The following SPAG16 variants were observed in gnomAD, a reference collection of about 807,000 sequenced individuals.
SPAG16 encodes the protein sperm-associated antigen 16 protein.
Under a neutral mutation model 80.4 loss-of-function variants are expected in SPAG16, and 86 were observed. The observed-to-expected ratio is 1.07, with a 90% confidence interval of 0.90 to 1.28. SPAG16 has a LOEUF of 1.28. Among genes scored for constraint, SPAG16 ranks in the 50% most tolerant of loss-of-function variants. The pLI, the probability that SPAG16 is intolerant of heterozygous loss-of-function variation, is 0.00. For synonymous variants in SPAG16, 294 were observed against 265.9 expected (o/e 1.11, Z -1.03); for missense variants, 870 against 765.3 (o/e 1.14, Z -1.61).
chr2:214,352,565 T>TGTGTGTGTGTGTGA (rs375089345), intron 15 of SPAG16, among the ~76,000 whole-genome samples: 1 of 64,732 alleles, frequency 1.5e-5, no homozygotes, highest in African/African-American at 2.8e-5. Context: ...TCTCTGTGTG[T>TGTGTGTGTGTGTGA]GTGTGTGTGT....
At chr2:213,304,840 T>A (rs575758985) in intron 3 of SPAG16, among the ~76,000 whole-genome samples, 7 of 152,264 alleles carry the variant, frequency 4.6e-5, no homozygotes, top group Admixed American at 3.3e-4. Flanking sequence ...TCAGGATAGC[T>A]TTGGCTAATG....
At chr2:213,582,309 G>T (rs2060324129) in intron 10 of SPAG16, among the ~76,000 whole-genome samples, 1 of 151,906 alleles carries the variant, frequency 6.6e-6, no homozygotes, top group Non-Finnish European at 1.5e-5. Flanking sequence ...TTACTTTTAT[G>T]CATAACCTTT....
intron 10 of SPAG16, among the ~76,000 whole-genome samples, chr2:213,825,693 CTTTCTTTCTTTTT>C (rs1331463658): frequency 1.0e-5 from 1 of 98,986 alleles, no homozygotes; most frequent in Non-Finnish European, 2.0e-5. Context: ...TTCTTTCTTT[CTTTCTTTCTTTTT>C]TTTTTTTTTT....
intron 10 of SPAG16, among the ~76,000 whole-genome samples, chr2:213,762,962 A>T (rs1165379182): frequency 6.6e-6 from 1 of 152,214 alleles, no homozygotes; most frequent in Non-Finnish European, 1.5e-5. Context: ...AACCTTATTT[A>T]AAAATGGGCA....
chr2:213,352,098 G>A (rs1342170366), intron 7 of SPAG16, among the ~76,000 whole-genome samples: 1 of 151,094 alleles, frequency 6.6e-6, no homozygotes, highest in African/African-American at 2.4e-5. Context: ...TTCTACCATG[G>A]TTGTAAATTT....
At position 213,699,164 on chromosome 2, in the gene SPAG16, C is replaced by T. The variant is rs115765402; in HGVS notation, c.1071-163321C>T. On this transcript the variant is annotated intron_variant, in intron 10 of 15. Transcript: ENST00000331683. Reference sequence around the variant, plus strand: ...CTTTTTATTTTTCTGCTTCACCTTTCCTATTACTCTTGTATTATTTTTATT... The same window carrying T: ...CTTTTTATTTTTCTGCTTCACCTTTTCTATTACTCTTGTATTATTTTTATT... Among the ~76,000 whole-genome samples the T allele has an allele frequency of 8.9e-3, 1,362 of 152,254 alleles. 10 individuals are homozygous for T. Among genetic ancestry groups the T allele is most frequent in the Non-Finnish European group, 0.015 (1,032 of 67,998 alleles).
At chr2:214,180,823 A>G (rs1293287222) in intron 15 of SPAG16, among the ~76,000 whole-genome samples, 2 of 151,810 alleles carry the variant, frequency 1.3e-5, no homozygotes, top group East Asian at 1.9e-4. Flanking sequence ...AACAACTCAT[A>G]TTGAATCTGA....
chr2:213,838,805 G>T (rs1439034092), intron 10 of SPAG16, among the ~76,000 whole-genome samples: 2 of 152,112 alleles, frequency 1.3e-5, no homozygotes, highest in East Asian at 1.9e-4. Context: ...CTCATTTGGG[G>T]GATTGGCTAT....
At chr2:213,478,722 CTA>C (rs1407495969) in intron 9 of SPAG16, among the ~76,000 whole-genome samples, 2 of 152,084 alleles carry the variant, frequency 1.3e-5, no homozygotes, top group African/African-American at 4.8e-5. Context: ...TTAATAAAAA[CTA>C]TGTGACTGTT....
At chr2:213,323,771 C>T (rs2063731087) in intron 5 of SPAG16, among the ~76,000 whole-genome samples, 1 of 152,130 alleles carries the variant, frequency 6.6e-6, no homozygotes, top group Admixed American at 6.6e-5. Context: ...ATGGTACATT[C>T]ATGCAATGCA....
chr2:213,424,626 T>C (rs1279486954), intron 9 of SPAG16, among the ~76,000 whole-genome samples: 2 of 152,218 alleles, frequency 1.3e-5, no homozygotes, highest in African/African-American at 2.4e-5. Flanking sequence ...TCTGCTACCT[T>C]AATGACTCTA....
intron 13 of SPAG16, among the ~76,000 whole-genome samples, chr2:214,070,171 A>G (rs1415805679): frequency 6.8e-6 from 1 of 146,260 alleles, no homozygotes; most frequent in African/African-American, 2.5e-5. Context: ...CAAGTTTGTT[A>G]TTTGCCTTTT....
chr2:213,621,115 A>C (rs1306841853), intron 10 of SPAG16, among the ~76,000 whole-genome samples: 1 of 152,204 alleles, frequency 6.6e-6, no homozygotes, highest in African/African-American at 2.4e-5. Flanking sequence ...TGCTTTGGCT[A>C]ACTTTATTGA....
chr2:213,871,188 C>T (rs1407547837), intron 11 of SPAG16, among the ~76,000 whole-genome samples: 3 of 152,054 alleles, frequency 2.0e-5, no homozygotes, highest in African/African-American at 7.2e-5. Context: ...AATAATATTA[C>T]ACCAAGAATA....
At chr2:213,739,442 C>T (rs1179977379) in intron 10 of SPAG16, among the ~76,000 whole-genome samples, 1 of 152,066 alleles carries the variant, frequency 6.6e-6, no homozygotes, top group Non-Finnish European at 1.5e-5. Flanking sequence ...TTAGTTCTTA[C>T]CTTACTTAGA....
At chr2:213,691,582 A>G (rs962403539) in intron 10 of SPAG16, among the ~76,000 whole-genome samples, 2 of 152,142 alleles carry the variant, frequency 1.3e-5, no homozygotes, top group African/African-American at 4.8e-5. Context: ...ACAGTAATAC[A>G]AGTTAATAAT....
At chr2:213,810,708 G>A (rs1183176916) in intron 10 of SPAG16, among the ~76,000 whole-genome samples, 1 of 152,162 alleles carries the variant, frequency 6.6e-6, no homozygotes, top group Non-Finnish European at 1.5e-5. Flanking sequence ...GGGAAAGACT[G>A]GTCTTTAGTT....
intron 13 of SPAG16, among the ~76,000 whole-genome samples, chr2:214,053,174 A>T (rs2049752519): frequency 1.3e-5 from 2 of 152,232 alleles, no homozygotes; most frequent in African/African-American, 4.8e-5. Context: ...GTATTGCATA[A>T]AATACGGATG....
intron 10 of SPAG16, among the ~76,000 whole-genome samples, chr2:213,720,881 G>A (rs540725934): frequency 6.7e-6 from 1 of 149,836 alleles, no homozygotes; most frequent in African/African-American, 2.5e-5. Flanking sequence ...AGTTAGCTGG[G>A]ACTACAGTTG....
Sources: allele counts gnomAD v4.1 joint callset (sites outside exome capture counted in the v4.1 genomes callset), GRCh38; gene constraint gnomAD v4.1.1; transcripts MANE v1.5; gene names NCBI Gene and HGNC (gene_info 2026-07-23, HGNC 2026-07-21).